Variants in PGM5 observed in about 807,000 individuals in gnomAD.
PGM5 encodes phosphoglucomutase 5, also known as phosphoglucomutase-like protein 5.
Under a neutral mutation model 59.2 loss-of-function variants are expected in PGM5, and 23 were observed. That is an observed-to-expected ratio of 0.39 (90% CI 0.28 to 0.55). The LOEUF (loss-of-function observed/expected upper bound fraction) is 0.55, where lower values mean the gene tolerates loss of function less well. Among genes scored for constraint, PGM5 ranks in the 20% least tolerant of loss-of-function variants. The pLI, the probability that PGM5 is intolerant of heterozygous loss-of-function variation, is 0.66. For synonymous variants in PGM5, 214 were observed against 286.0 expected, an observed-to-expected ratio of 0.75 and a Z score of 2.54; for missense variants, 574 against 748.3, an observed-to-expected ratio of 0.77 and a Z score of 2.72.
chr9:68,435,736 A>G (rs1484375924), intron 6 of PGM5, among the ~76,000 whole-genome samples: 3 of 152,150 alleles, frequency 2.0e-5, no homozygotes, highest in African/African-American at 4.8e-5. Flanking sequence ...GAATTTGTGT[A>G]CAAGTTTTTA....
At chr9:68,413,134 A>G (rs573784845) in intron 6 of PGM5, among the ~76,000 whole-genome samples, 2 of 152,324 alleles carry the variant, frequency 1.3e-5, no homozygotes, top group Admixed American at 6.5e-5. Context: ...ATTACTTGAG[A>G]GTATCATGTG....
At chr9:68,517,022 C>T (rs1824834602) in intron 10 of PGM5, among the ~76,000 whole-genome samples, 1 of 151,842 alleles carries the variant, frequency 6.6e-6, no homozygotes, top group African/African-American at 2.4e-5. Flanking sequence ...CAGGCATGCA[C>T]CACCACGCCC....
At chr9:68,363,781 G>A (rs1834627030) in intron 1 of PGM5, among the ~76,000 whole-genome samples, 1 of 152,296 alleles carries the variant, frequency 6.6e-6, no homozygotes, top group African/African-American at 2.4e-5. Flanking sequence ...AGATGCGTTA[G>A]CCTCTTGAAA....
chr9:68,410,020 C>G (rs1191678807), intron 6 of PGM5, among the ~76,000 whole-genome samples: 1 of 152,202 alleles, frequency 6.6e-6, no homozygotes, highest in African/African-American at 2.4e-5. Context: ...GCAAAGAGCC[C>G]CCAGGGGCCA....
intron 6 of PGM5, among the ~76,000 whole-genome samples, chr9:68,421,759 G>T (rs1554682354): frequency 6.6e-6 from 1 of 151,846 alleles, no homozygotes; most frequent in Non-Finnish European, 1.5e-5. Flanking sequence ...ACTTAGAGCT[G>T]ATTCTGCTTT....
chr9:68,472,873 G>A (rs1824044093), intron 7 of PGM5, among the ~76,000 whole-genome samples: 1 of 152,220 alleles, frequency 6.6e-6, no homozygotes, highest in African/African-American at 2.4e-5. Flanking sequence ...CCACAGCACA[G>A]GATGTGTCCT....
At chr9:68,424,767 A>G (rs373596554) in intron 6 of PGM5, among the ~76,000 whole-genome samples, 4 of 152,304 alleles carry the variant, frequency 2.6e-5, no homozygotes, top group East Asian at 3.9e-4. Context: ...TTTCCCAAAC[A>G]TATTTGACCA....
chr9:68,494,140 TC>T (rs1430717127), intron 9 of PGM5, among the ~76,000 whole-genome samples: 1 of 152,202 alleles, frequency 6.6e-6, no homozygotes, highest in Non-Finnish European at 1.5e-5. Flanking sequence ...TCCTGGATAT[TC>T]CGGCTACTCT....
At chr9:68,466,339 A>G (rs1823935101) in intron 7 of PGM5, 6 of 379,688 alleles carry the variant, frequency 1.6e-5, no homozygotes, top group Non-Finnish European at 2.5e-5. Flanking sequence ...GAAATTCCCC[A>G]TCTGTTTATG....
chr9:68,471,211 G>C (rs1212636635), intron 7 of PGM5, among the ~76,000 whole-genome samples: 1 of 152,200 alleles, frequency 6.6e-6, no homozygotes, highest in African/African-American at 2.4e-5. Flanking sequence ...GACTGACTGG[G>C]AGTCCTGAGA....
At chr9:68,372,128 A>G (rs1291279331) in intron 1 of PGM5, among the ~76,000 whole-genome samples, 44 of 152,006 alleles carry the variant, frequency 2.9e-4, no homozygotes, top group African/African-American at 8.0e-4. Flanking sequence ...CAAACTTTGT[A>G]TTCATTTCCT....
chr9:68,431,152 A>G (rs1165931258), intron 6 of PGM5, among the ~76,000 whole-genome samples: 1 of 152,192 alleles, frequency 6.6e-6, no homozygotes, highest in Non-Finnish European at 1.5e-5. Flanking sequence ...CAATTTACAG[A>G]TCCTAGCCAC....
At chr9:68,415,820 C>CTATCT (rs1563999528) in intron 6 of PGM5, among the ~76,000 whole-genome samples, 35 of 125,084 alleles carry the variant, frequency 2.8e-4, no homozygotes, top group African/African-American at 8.8e-4. Context: ...TCTATCTTAT[C>CTATCT]TATCTATCAT....
At chr9:68,407,522 C>A (rs1822844770) in intron 6 of PGM5, among the ~76,000 whole-genome samples, 1 of 152,160 alleles carries the variant, frequency 6.6e-6, no homozygotes, top group South Asian at 2.1e-4. Flanking sequence ...TCCCATAGAA[C>A]ACATATAGGA....
At chr9:68,508,763 A>C (rs1824697596) in intron 10 of PGM5, among the ~76,000 whole-genome samples, 1 of 152,224 alleles carries the variant, frequency 6.6e-6, no homozygotes, top group Non-Finnish European at 1.5e-5. Flanking sequence ...CTTTCCCAGC[A>C]GCCTTTTTGT....
intron 1 of PGM5, among the ~76,000 whole-genome samples, chr9:68,375,002 T>C (rs1418300698): frequency 4.0e-5 from 6 of 151,738 alleles, no homozygotes; most frequent in Middle Eastern, 3.5e-3. Context: ...GGTTTGGTCA[T>C]ATGAAGTCTT....
intron 9 of PGM5, among the ~76,000 whole-genome samples, chr9:68,496,567 C>G (rs1209312146): frequency 2.0e-5 from 3 of 152,198 alleles, no homozygotes; most frequent in African/African-American, 7.2e-5. Flanking sequence ...CTATTCACAT[C>G]TTTGTCATCT....
chr9:68,387,886 T>C (rs1251507746), intron 4 of PGM5, among the ~76,000 whole-genome samples: 9 of 151,886 alleles, frequency 5.9e-5, no homozygotes, highest in African/African-American at 2.2e-4. Context: ...AATAAATAGT[T>C]CAAGATTTAT....
At chr9:68,500,498 G>A (rs782114483) in intron 10 of PGM5, among the ~76,000 whole-genome samples, 25 of 151,934 alleles carry the variant, frequency 1.6e-4, no homozygotes, top group Non-Finnish European at 2.6e-4. Context: ...GCATGAGTGG[G>A]CAAAGCAGGT....
Sources: gnomAD v4.1 joint callset for allele counts (sites outside exome capture counted in the v4.1 genomes callset) on GRCh38, gnomAD v4.1.1 for gene constraint, MANE v1.5 for transcripts, NCBI Gene and HGNC (gene_info 2026-07-23, HGNC 2026-07-21) for gene names.